PCDH15: variants seen among roughly 807,000 people sequenced by gnomAD.
The protein encoded by PCDH15 is protocadherin related 15, also known as protocadherin-15.
PCDH15 carries 129 observed loss-of-function variants against 178.5 expected under a neutral mutation model. That is an observed-to-expected ratio of 0.72 (90% CI 0.63 to 0.84). The LOEUF (loss-of-function observed/expected upper bound fraction) is 0.84. PCDH15 is among the 40% of genes least tolerant of loss of function. PCDH15 has a pLI of 0.00. For synonymous variants in PCDH15, 800 were observed against 732.0 expected, an observed-to-expected ratio of 1.09 and a Z score of -1.50; for missense variants, 2,230 against 2,099.9, an observed-to-expected ratio of 1.06 and a Z score of -1.21.
chr10:54,201,992 G>A (rs181240491), intron 10 of PCDH15, among the ~76,000 whole-genome samples: 16 of 152,224 alleles, frequency 1.1e-4, no homozygotes, highest in African/African-American at 3.1e-4. Flanking sequence ...ACAGAATAAC[G>A]TATAATCTTC....
At chr10:54,558,900 T>C (rs2087674477) in intron 2 of PCDH15, among the ~76,000 whole-genome samples, 1 of 152,118 alleles carries the variant, frequency 6.6e-6, no homozygotes, top group Admixed American at 6.6e-5. Context: ...TCTATCTGCT[T>C]ATTTAGTTTA....
intron 2 of PCDH15, among the ~76,000 whole-genome samples, chr10:55,573,308 G>A (rs962364918): frequency 1.3e-5 from 2 of 152,034 alleles, no homozygotes; most frequent in South Asian, 2.1e-4. Context: ...AGAAATTGAT[G>A]GACCATCTAA....
intron 2 of PCDH15, among the ~76,000 whole-genome samples, chr10:55,074,572 T>A (rs1254491055): frequency 1.3e-5 from 2 of 152,106 alleles, no homozygotes; most frequent in Non-Finnish European, 2.9e-5. Context: ...TTATGGGGGT[T>A]TTTTTGTAAA....
intron 9 of PCDH15, among the ~76,000 whole-genome samples, chr10:54,227,605 T>C (rs2053591415): frequency 6.6e-6 from 1 of 152,226 alleles, no homozygotes; most frequent in Non-Finnish European, 1.5e-5. Flanking sequence ...TCCTCGTTAC[T>C]TATGCAAATT....
chr10:54,532,643 A>T (rs956354624), intron 2 of PCDH15, among the ~76,000 whole-genome samples: 1 of 152,208 alleles, frequency 6.6e-6, no homozygotes, highest in Non-Finnish European at 1.5e-5. Context: ...AAATTAAAAC[A>T]ACACTCTGTA....
chr10:54,198,209 C>T (rs1156294403), intron 10 of PCDH15, among the ~76,000 whole-genome samples: 1 of 152,054 alleles, frequency 6.6e-6, no homozygotes, highest in Non-Finnish European at 1.5e-5. Context: ...TTGTGCCGAG[C>T]GATGGATGTT....
intron 3 of PCDH15, among the ~76,000 whole-genome samples, chr10:54,853,316 T>TACACAGATAC (rs1231984925): frequency 8.7e-6 from 1 of 115,146 alleles, no homozygotes; most frequent in Admixed American, 1.1e-4. Flanking sequence ...TATATATATA[T>TACACAGATAC]ATACATACAC....
At chr10:54,073,824 C>T (rs566367268) in intron 17 of PCDH15, among the ~76,000 whole-genome samples, 4 of 152,236 alleles carry the variant, frequency 2.6e-5, no homozygotes, top group African/African-American at 7.2e-5. Flanking sequence ...GATCACTGTT[C>T]GCATATTTAT....
At chr10:54,416,478 G>C (rs1023994599) in intron 3 of PCDH15, among the ~76,000 whole-genome samples, 1 of 152,052 alleles carries the variant, frequency 6.6e-6, no homozygotes, top group Non-Finnish European at 1.5e-5. Flanking sequence ...TGGCTGTGTA[G>C]TATTCCTTGG....
chr10:54,242,124 CTATTTTTATATATA>C (rs1201674023), intron 8 of PCDH15, among the ~76,000 whole-genome samples: 19 of 62,244 alleles, frequency 3.1e-4, no homozygotes, highest in Admixed American at 6.9e-4. Context: ...GGTCTGAATT[CTATTTTTATATATA>C]TATATATATA....
chr10:54,959,553 A>T (rs1838588148), intron 2 of PCDH15, among the ~76,000 whole-genome samples: 1 of 152,080 alleles, frequency 6.6e-6, no homozygotes. Context: ...AACACATTTT[A>T]TGATCATTTT....
At chr10:54,219,705 C>CA (rs893141958) in intron 9 of PCDH15, among the ~76,000 whole-genome samples, 115 of 141,030 alleles carry the variant, frequency 8.2e-4, no homozygotes, top group African/African-American at 2.5e-3. Flanking sequence ...AAAACAAAAA[C>CA]AAAAAAACAG....
intron 2 of PCDH15, among the ~76,000 whole-genome samples, chr10:55,368,092 T>G (rs1467105153): frequency 6.6e-6 from 1 of 152,104 alleles, no homozygotes; most frequent in Non-Finnish European, 1.5e-5. Context: ...TGTTATTAAG[T>G]ATAGTGCAAA....
rs1842203663 is a variant in PCDH15 at position 55,561,666 on chromosome 10, T to G, written c.-156+65959A>C. On this transcript the variant is annotated intron_variant, in intron 2 of 5. Coordinates refer to the PCDH15 transcript ENST00000613346. The stretch of plus-strand genomic sequence containing the variant: ...TTTGCCTTAAGACAAACATCTTACC[T>G]GGTACATTTTAAAACTAAGTATTTC... 2.0e-5 allele frequency among the ~76,000 whole-genome samples: 3 copies of G among 151,908 alleles called. No homozygotes were observed. The South Asian group carries it at 6.2e-4, about 31-fold the overall frequency.
chr10:55,151,383 G>A (rs1273165112), intron 2 of PCDH15, among the ~76,000 whole-genome samples: 3 of 152,056 alleles, frequency 2.0e-5, no homozygotes. Context: ...TAAGAGCTAA[G>A]TATTCTATTA....
chr10:55,409,945 C>G (rs1838293023), intron 2 of PCDH15, among the ~76,000 whole-genome samples: 1 of 152,086 alleles, frequency 6.6e-6, no homozygotes, highest in Non-Finnish European at 1.5e-5. Context: ...TAACTCAACT[C>G]TCTGAATGTG....
At chr10:55,434,098 T>TTTG (rs1838966756) in intron 2 of PCDH15, among the ~76,000 whole-genome samples, 1 of 142,124 alleles carries the variant, frequency 7.0e-6, no homozygotes, top group African/African-American at 2.7e-5. Flanking sequence ...TTTTTTTTTT[T>TTTG]GAGATGGTGT....
At chr10:55,256,060 T>A (rs1841988760) in intron 1 of PCDH15, among the ~76,000 whole-genome samples, 1 of 152,186 alleles carries the variant, frequency 6.6e-6, no homozygotes, top group African/African-American at 2.4e-5. Context: ...CTAGGTTTTC[T>A]TCTAGGGTTT....
intron 20 of PCDH15, among the ~76,000 whole-genome samples, chr10:54,001,683 A>G (rs986184642): frequency 2.6e-5 from 4 of 152,152 alleles, no homozygotes; most frequent in African/African-American, 9.6e-5. Context: ...GACAACCAGA[A>G]AGCAAATAAC....
Sources: allele counts gnomAD v4.1 joint callset (sites outside exome capture counted in the v4.1 genomes callset), GRCh38; gene constraint gnomAD v4.1.1; transcripts MANE v1.5; gene names NCBI Gene and HGNC (gene_info 2026-07-23, HGNC 2026-07-21).